B3GLCT: variants seen among roughly 807,000 people sequenced by gnomAD.
B3GLCT encodes beta 3-glucosyltransferase.
B3GLCT carries 65 observed loss-of-function variants against 63.4 expected under a neutral mutation model. The observed-to-expected ratio is 1.03, with a 90% CI of 0.84 to 1.26. The LOEUF (loss-of-function observed/expected upper bound fraction) is 1.26. B3GLCT is among the 50% of genes most tolerant of loss of function. The probability of loss-of-function intolerance (pLI) is 0.00; values close to 1 mark genes in which losing one functional copy is unlikely to be tolerated. For synonymous variants in B3GLCT, 233 were observed against 219.2 expected (o/e 1.06, Z -0.55); for missense variants, 577 against 604.8 (o/e 0.95, Z 0.48).
At chr13:31,240,039 G>T (rs1188304288) in intron 4 of B3GLCT, among the ~76,000 whole-genome samples, 2 of 152,068 alleles carry the variant, frequency 1.3e-5, no homozygotes, top group Non-Finnish European at 2.9e-5. Flanking sequence ...GAGAGGGGTA[G>T]GACAGTGTTT....
intron 10 of B3GLCT, among the ~76,000 whole-genome samples, chr13:31,279,655 G>A (rs573580569): frequency 2.6e-4 from 40 of 152,318 alleles, no homozygotes; most frequent in African/African-American, 9.1e-4. Context: ...AATTGCTAAT[G>A]AAGTTTCAGG....
chr13:31,255,371 A>G (rs372667791), intron 6 of B3GLCT, among the ~76,000 whole-genome samples: 2 of 152,234 alleles, frequency 1.3e-5, no homozygotes, highest in East Asian at 3.8e-4. Flanking sequence ...AAATGGCCAT[A>G]CTGACCAAGG....
At chr13:31,210,931 CT>C (rs1407550762) in intron 1 of B3GLCT, among the ~76,000 whole-genome samples, 2 of 151,694 alleles carry the variant, frequency 1.3e-5, no homozygotes, top group African/African-American at 4.8e-5. Flanking sequence ...TTTTCTTTTT[CT>C]TTTTTTGGAG....
In B3GLCT at chr13:31,329,455, T is replaced by C. The variant is rs767395352; in HGVS notation, c.1330-46T>C. ...ATTCAAATGCTCTTCTGCAGCAAAATTATATTCAATCAACAAGGAAGCCTA... is the reference window on the plus strand; with the variant it reads ...ATTCAAATGCTCTTCTGCAGCAAAACTATATTCAATCAACAAGGAAGCCTA... On this transcript the variant is annotated intron_variant, in intron 14 of 14. Transcript: ENST00000343307. The C allele has an allele frequency of 1.9e-6, 3 of 1,610,042 alleles. No individual in the cohort carries two copies. The East Asian group carries it at 6.7e-5, about 36-fold the overall frequency.
At chr13:31,237,511 G>A (rs1024605974) in intron 4 of B3GLCT, among the ~76,000 whole-genome samples, 1 of 151,904 alleles carries the variant, frequency 6.6e-6, no homozygotes, top group Non-Finnish European at 1.5e-5. Context: ...CTACTACCAC[G>A]CCTGGCTGAT....
chr13:31,200,222 C>G (rs1167771452), intron 1 of B3GLCT, 68 bp downstream of exon 1: 19 of 1,033,558 alleles, frequency 1.8e-5, no homozygotes, highest in Non-Finnish European at 2.3e-5. Context: ...GCCCGTGCCC[C>G]GGTCGGCGCG....
At chr13:31,314,197 C>T (rs1215211105) in intron 12 of B3GLCT, among the ~76,000 whole-genome samples, 1 of 152,190 alleles carries the variant, frequency 6.6e-6, no homozygotes, top group Admixed American at 6.5e-5. Context: ...GTCAGAGCCC[C>T]CACACAGAGT....
rs1221726085 is a variant in B3GLCT, at chr13:31,305,273, A to G, written c.1065-12293A>G. ...CTAACATCACAATTAAAAGAACTAG[A>G]AAAGCAAGAGCAAACACATTCAAAA... On this transcript the variant is annotated intron_variant, in intron 12 of 14. Coordinates refer to ENST00000343307, the MANE Select transcript of B3GLCT (RefSeq NM_194318.4). 5.8e-5 allele frequency among the ~76,000 whole-genome samples: 6 copies of G among 104,084 alleles called. No homozygotes were observed. The Admixed American group carries it at 7.0e-4, about 12-fold the overall frequency. The allele number at this position is 104,084 out of a possible 152,430, so 68.3% of individuals were successfully genotyped here.
intron 13 of B3GLCT, among the ~76,000 whole-genome samples, chr13:31,319,910 T>C (rs755726795): frequency 6.6e-6 from 1 of 152,206 alleles, no homozygotes; most frequent in Non-Finnish European, 1.5e-5. Flanking sequence ...GTGAGTCAGC[T>C]CTCACCCTTT....
At chr13:31,283,529 T>G (rs1168564241) in intron 10 of B3GLCT, among the ~76,000 whole-genome samples, 1 of 152,056 alleles carries the variant, frequency 6.6e-6, no homozygotes, top group Non-Finnish European at 1.5e-5. Context: ...GCAGAAAAAT[T>G]ATATTTTAAT....
chr13:31,221,088 G>A (rs1211080527), intron 2 of B3GLCT, among the ~76,000 whole-genome samples: 2 of 152,210 alleles, frequency 1.3e-5, no homozygotes, highest in Non-Finnish European at 2.9e-5. Context: ...TTGTAATTCT[G>A]GTTCTGTGGC....
At chr13:31,213,879 T>TA (rs1869421731) in intron 1 of B3GLCT, among the ~76,000 whole-genome samples, 1 of 152,146 alleles carries the variant, frequency 6.6e-6, no homozygotes, top group South Asian at 2.1e-4. Context: ...TCACATGGCT[T>TA]ACATTTCAGT....
intron 12 of B3GLCT, among the ~76,000 whole-genome samples, chr13:31,316,458 C>T (rs1188201075): frequency 3.1e-5 from 2 of 63,954 alleles, no homozygotes; most frequent in African/African-American, 4.9e-5. Context: ...GACGGAGTTT[C>T]GCTCTTGTCA....
chr13:31,203,425 G>A (rs1189434898), intron 1 of B3GLCT, among the ~76,000 whole-genome samples: 1 of 152,164 alleles, frequency 6.6e-6, no homozygotes, highest in Non-Finnish European at 1.5e-5. Context: ...GGGAGGGAGG[G>A]AGAGCATCTG....
chr13:31,297,913 G>A (rs1182947148), intron 12 of B3GLCT, among the ~76,000 whole-genome samples: 1 of 152,056 alleles, frequency 6.6e-6, no homozygotes, highest in Non-Finnish European at 1.5e-5. Context: ...GAGAGAAGGG[G>A]TGTGGAGCTT....
chr13:31,235,708 G>A (rs1593263304), intron 4 of B3GLCT, among the ~76,000 whole-genome samples: 1 of 152,132 alleles, frequency 6.6e-6, no homozygotes, highest in East Asian at 1.9e-4. Context: ...CACCTAAAAT[G>A]CACGTCTTAA....
chr13:31,265,833 G>A (rs1362340204), intron 7 of B3GLCT, among the ~76,000 whole-genome samples: 1 of 152,006 alleles, frequency 6.6e-6, no homozygotes, highest in East Asian at 1.9e-4. Flanking sequence ...AAGTTAGCCT[G>A]GAAGTGGGAC....
rs182370813 is a variant in B3GLCT at position 31,250,121 on chromosome 13, T to C, written c.459+2155T>C. 8.5e-5 allele frequency among the ~76,000 whole-genome samples: 13 copies of C among 152,342 alleles called. No individual in the cohort carries two copies. The East Asian group carries it at 2.5e-3, about 29-fold the overall frequency. ...TGAAGTCTTTCCTTTGTAACCACAGTATGCTTTTAATATATGTGTATTTTA... is the reference window on the plus strand; with the variant it reads ...TGAAGTCTTTCCTTTGTAACCACAGCATGCTTTTAATATATGTGTATTTTA... On this transcript the variant is annotated intron_variant, in intron 6 of 14. Transcript: ENST00000343307.
intron 12 of B3GLCT, among the ~76,000 whole-genome samples, chr13:31,289,621 A>G (rs1029121575): frequency 9.6e-4 from 2 of 2,088 alleles, no homozygotes; most frequent in African/African-American, 9.8e-4. Context: ...TGCTAAAAGA[A>G]AAAAAAAAAG....
Sources: gnomAD v4.1 joint callset for allele counts (sites outside exome capture counted in the v4.1 genomes callset) on GRCh38, gnomAD v4.1.1 for gene constraint, MANE v1.5 for transcripts, NCBI Gene and HGNC (gene_info 2026-07-23, HGNC 2026-07-21) for gene names.